POLD3: variants seen among roughly 807,000 people sequenced by gnomAD.
The protein encoded by POLD3 is DNA polymerase delta 3, accessory subunit.
A neutral mutation model predicts 58.2 loss-of-function variants in POLD3; 19 were observed. The observed-to-expected ratio is 0.33, with a 90% CI of 0.23 to 0.48. POLD3 has a LOEUF of 0.48. POLD3 is among the 20% of genes least tolerant of loss of function. The pLI is 0.99. For synonymous variants in POLD3, 172 were observed against 193.5 expected (o/e 0.89, Z 0.92); for missense variants, 504 against 545.5 (o/e 0.92, Z 0.76).
intron 9 of POLD3, among the ~76,000 whole-genome samples, chr11:74,629,857 AT>A (rs1211365788): frequency 1.3e-5 from 2 of 152,178 alleles, no homozygotes; most frequent in South Asian, 2.1e-4. Flanking sequence ...TTTTAAAAAA[AT>A]ATCAAGTATT....
At position 74,629,308 on chromosome 11, in the gene POLD3, A is replaced by G. The variant is rs751608946; in HGVS notation, c.991A>G (p.Ser331Gly). 8 of 1,599,056 alleles carry G rather than the reference A, an allele frequency of 5.0e-6. 1 individual carries two copies. In the South Asian group the frequency reaches 8.8e-5, roughly 18 times the overall value. ...RRRIKLPESD[S>G]SEDEVFPDSP... ...AAGAATCAAACTTCCTGAATCTGATAGCAGTGAAGATGAAGGTGGGCATTA... is the reference window on the plus strand; with the variant it reads ...AAGAATCAAACTTCCTGAATCTGATGGCAGTGAAGATGAAGGTGGGCATTA... The change falls in exon 9 of 12, where the codon AGC becomes GGC. Residue 331 changes from serine (S) to glycine (G), a missense_variant. Around this residue, in one of 2 missense-constraint regions of POLD3, gnomAD observed 385 missense variants for 370.5 expected, o/e 1.04. Transcript: ENST00000263681.
intron 7 of POLD3, among the ~76,000 whole-genome samples, chr11:74,620,692 G>C (rs2032224686): frequency 1.3e-5 from 2 of 152,178 alleles, no homozygotes. Flanking sequence ...AGAACCAGTA[G>C]TCACATATTT....
At position 74,640,125 on chromosome 11, in the gene POLD3, A is replaced by T. The variant is rs554802042; in HGVS notation, c.1199-439A>T. On this transcript the variant is annotated intron_variant, in intron 11 of 11. Coordinates refer to ENST00000263681, the MANE Select transcript of POLD3 (RefSeq NM_006591.3). ...AATAGGCCAGCAGTTTAAGACCAGT[A>T]ACGGGAATAGGCAGGCATTGTAGGT... 3.7e-4 allele frequency among the ~76,000 whole-genome samples: 56 copies of T among 152,300 alleles called. 1 individual carries two copies. Among genetic ancestry groups the T allele is most frequent in the Middle Eastern group, 3.4e-3 (1 of 294 alleles).
At chr11:74,628,328 A>AT (rs749718860) in intron 8 of POLD3, among the ~76,000 whole-genome samples, 23 of 152,078 alleles carry the variant, frequency 1.5e-4, no homozygotes, top group Non-Finnish European at 2.5e-4. Context: ...ATTTTCTCTT[A>AT]TTTTTTATCT....
chr11:74,669,053 G>A, exon 5 of POLD3: 1 of 321,754 alleles, frequency 3.1e-6, no homozygotes, highest in Non-Finnish European at 6.0e-6. Flanking sequence ...ATGGGTGTGT[G>A]GTGCAGGGAC....
At chr11:74,640,317 ATAGCT>A in intron 11 of POLD3, among the ~76,000 whole-genome samples, 2 of 152,366 alleles carry the variant, frequency 1.3e-5, no homozygotes, top group Admixed American at 1.3e-4. Context: ...GGCATGGGAT[ATAGCT>A]GTGAGGGAGA....
rs540847358 is a variant in POLD3, at chr11:74,611,115, T to C, written c.220-384T>C. 5.9e-5 allele frequency among the ~76,000 whole-genome samples: 9 copies of C among 152,308 alleles called. No homozygotes were observed. The East Asian group carries it at 1.7e-3, about 29-fold the overall frequency. On this transcript the variant is annotated intron_variant, in intron 3 of 11. Coordinates refer to ENST00000263681, the MANE Select transcript of POLD3 (RefSeq NM_006591.3). ...AAATCTCTAATCCATTTAGAATTTATTTTGGTATATGATGTGAGGAACAGA... is the reference window on the plus strand; with the variant it reads ...AAATCTCTAATCCATTTAGAATTTACTTTGGTATATGATGTGAGGAACAGA...
At position 74,620,098 on chromosome 11, in the gene POLD3, GTTC is replaced by G. The variant is rs1307705284; in HGVS notation, c.733+12_733+14del. On this transcript the variant is annotated intron_variant, in intron 7 of 11. Transcript: ENST00000263681. ...TGGAAAAGCTGCTATGAGTAAGCAT[GTTC>G]TTACCTCACTTTGACTAACGAATGA... The G allele has an allele frequency of 3.2e-6, 5 of 1,582,576 alleles. No individual in the cohort carries two copies. The highest frequency in any genetic ancestry group is 4.3e-6 in the Non-Finnish European group (5 of 1,151,400).
In POLD3 at chr11:74,618,776, C is replaced by T. The variant is rs531956371; in HGVS notation, c.632C>T (p.Thr211Met). 2.1e-5 allele frequency: 34 copies of T among 1,613,208 alleles called. No individual in the cohort carries two copies. The South Asian group carries it at 2.4e-4, about 11-fold the overall frequency. The change falls in exon 6 of 12, where the codon ACG becomes ATG. Residue 211 changes from threonine (T) to methionine (M), a missense_variant. By Grantham distance (81) the Thr-to-Met change is moderately conservative. Coordinates refer to ENST00000263681, the MANE Select transcript of POLD3 (RefSeq NM_006591.3). ...AAKTQETNKE[T>M]KTEAKEVTNA... The stretch of plus-strand genomic sequence containing the variant: ...AAAACCCAAGAAACCAACAAGGAAA[C>T]GAAAACAGAGGCTAAAGAAGTAACA...
At chr11:74,650,239 T>G (rs2033051377) in intron 4 of POLD3, among the ~76,000 whole-genome samples, 1 of 152,216 alleles carries the variant, frequency 6.6e-6, no homozygotes, top group South Asian at 2.1e-4. Flanking sequence ...GTGCCTACTT[T>G]GTGCTGTAGA....
rs199987407 is a variant in POLD3, at chr11:74,597,062, A to G, written c.116+2946A>G. 1.9e-4 allele frequency among the ~76,000 whole-genome samples: 29 copies of G among 152,320 alleles called. No individual in the cohort carries two copies. In the East Asian group the frequency reaches 5.0e-3, roughly 26 times the overall value. Reference sequence around the variant, plus strand: ...TAAATAGTGCTGCAATAAACATGTGAGTGCAAATATCTCTGACATACTGAT... The same window carrying G: ...TAAATAGTGCTGCAATAAACATGTGGGTGCAAATATCTCTGACATACTGAT... On this transcript the variant is annotated intron_variant, in intron 2 of 11. Transcript: ENST00000263681.
intron 2 of POLD3, among the ~76,000 whole-genome samples, chr11:74,601,423 A>G (rs1299782128): frequency 3.3e-5 from 5 of 152,216 alleles, no homozygotes; most frequent in Non-Finnish European, 7.3e-5. Flanking sequence ...TGTAAAATAA[A>G]TAGTTAGAAG....
chr11:74,614,352 T>C (rs1292259742), intron 5 of POLD3, among the ~76,000 whole-genome samples: 1 of 152,122 alleles, frequency 6.6e-6, no homozygotes, highest in Non-Finnish European at 1.5e-5. Context: ...ATGACAGTTT[T>C]CTAATGTGAA....
At chr11:74,654,204 A>C (rs1273977534) in intron 4 of POLD3, among the ~76,000 whole-genome samples, 1 of 152,216 alleles carries the variant, frequency 6.6e-6, no homozygotes, top group Non-Finnish European at 1.5e-5. Flanking sequence ...TTTACAGGAA[A>C]GCATGTTAAA....
chr11:74,606,072 A>G (rs574501655), intron 3 of POLD3, among the ~76,000 whole-genome samples: 5 of 152,352 alleles, frequency 3.3e-5, no homozygotes, highest in Admixed American at 2.0e-4. Flanking sequence ...GTGATATAAA[A>G]TAAAACTGGA....
At chr11:74,625,653 A>G in intron 8 of POLD3, 80 bp downstream of exon 8, 1 of 1,197,780 alleles carries the variant, frequency 8.3e-7, no homozygotes, top group Non-Finnish European at 1.2e-6. Flanking sequence ...GACAGCAGGC[A>G]GTTTTCAGTT....
At position 74,625,577 on chromosome 11, in the gene POLD3, G is replaced by A; in HGVS notation, c.899+4G>A. On this transcript the variant is annotated splice_donor_region_variant and intron_variant, in intron 8 of 11. Coordinates refer to ENST00000263681, the MANE Select transcript of POLD3 (RefSeq NM_006591.3). Reference sequence around the variant, plus strand: ...TGCTGCAGAAGGAAAAAAAAAGGTAGGAAAATTTTGTTGCTTATTGGGGAA... The same window carrying A: ...TGCTGCAGAAGGAAAAAAAAAGGTAAGAAAATTTTGTTGCTTATTGGGGAA... 1 of 1,600,834 alleles carries A rather than the reference G, an allele frequency of 6.2e-7. No individual in the cohort carries two copies. Among genetic ancestry groups the A allele is most frequent in the Non-Finnish European group, 8.5e-7 (1 of 1,175,988 alleles).
At position 74,642,036 on chromosome 11, in the gene POLD3, A is replaced by T. The variant is rs1336910966; in HGVS notation, c.*1270A>T. On this transcript the variant is annotated 3_prime_UTR_variant, in exon 12 of 12. Coordinates refer to ENST00000263681, the MANE Select transcript of POLD3 (RefSeq NM_006591.3). ...CACAGTGAGCTCTGCGGAAGGGGTCAGGCTCAACTGCTGATGTGTCTCACA... is the reference window on the plus strand; with the variant it reads ...CACAGTGAGCTCTGCGGAAGGGGTCTGGCTCAACTGCTGATGTGTCTCACA... 1.0e-6 allele frequency: 1 copy of T among 985,366 alleles called. No homozygotes were observed. The highest frequency in any genetic ancestry group is 4.7e-5 in the South Asian group (1 of 21,288). 61.0% of individuals were successfully genotyped at this position (985,366 alleles called of 1,614,324 possible). A position where few individuals can be genotyped will look rare whatever the true frequency, so the allele number is the denominator to read the frequency against.
chr11:74,627,328 T>C (rs1228515111), intron 8 of POLD3, among the ~76,000 whole-genome samples: 3 of 152,254 alleles, frequency 2.0e-5, no homozygotes, highest in East Asian at 1.9e-4. Context: ...AAAAGGCCTA[T>C]AGAATAGGGA....
Sources: gnomAD v4.1 joint callset for allele counts (sites outside exome capture counted in the v4.1 genomes callset) on GRCh38, gnomAD v4.1.1 for gene constraint, gnomAD v4.1.1 regional missense constraint, MANE v1.5 for transcripts, NCBI Gene and HGNC (gene_info 2026-07-23, HGNC 2026-07-21) for gene names.